Variants in SCAF11 observed in about 807,000 individuals in gnomAD.
SCAF11 encodes the protein protein SCAF11.
SCAF11 carries 47 observed loss-of-function variants against 140.5 expected under a neutral mutation model. The ratio of observed to expected loss-of-function variants is 0.33; its 90% CI spans 0.26 to 0.43. The LOEUF is 0.43. SCAF11 is among the 20% of genes least tolerant of loss of function. The pLI is 1.00. For synonymous variants in SCAF11, 557 were observed against 579.4 expected (o/e 0.96, Z 0.55); for missense variants, 1,645 against 1,705.1 (o/e 0.96, Z 0.62).
intron 1 of SCAF11, among the ~76,000 whole-genome samples, chr12:45,990,010 G>T (rs572139165): frequency 2.1e-4 from 32 of 152,008 alleles, no homozygotes; most frequent in Middle Eastern, 3.4e-3. Flanking sequence ...CCCGGACGGG[G>T]ACAGGCTTCG....
At chr12:45,955,848 A>G (rs751678697) in intron 3 of SCAF11, 1 of 317,186 alleles carries the variant, frequency 3.2e-6, no homozygotes, top group Non-Finnish European at 5.8e-6. Context: ...TAATAACATC[A>G]TTGGCTTTAT....
intron 3 of SCAF11, chr12:45,961,025 C>T: frequency 6.9e-6 from 2 of 291,058 alleles, no homozygotes; most frequent in East Asian, 1.1e-4. Context: ...GTATTTGGCC[C>T]AAATTGAGTC....
chr12:45,923,302 G>A (rs1944761513), intron 12 of SCAF11, 148 bp from the exon 13 acceptor site: 2 of 646,222 alleles, frequency 3.1e-6, no homozygotes, highest in Non-Finnish European at 2.6e-6. Context: ...TATATCTAAA[G>A]GGCCCTTTAA....
rs778330144 is a variant in SCAF11 at position 45,961,801 on chromosome 12, T to C, written c.118A>G (p.Arg40Gly). The change falls in exon 3 of 15, where the codon AGA becomes GGA. Residue 40 changes from arginine (R) to glycine (G), a missense_variant. By Grantham distance (125) the Arg-to-Gly change is moderately radical. This residue lies in a region of SCAF11 where 1,582 missense variants were observed against 1,609.2 expected (regional missense o/e 0.98). Transcript: ENST00000369367. ...AGACAATTAAGACATATTGGGCATC[T>C]GTCAGCCTCACTGTACAACAGACCA... ...STGLLYSEAD[R>G]CPICLNCLLE... 1.2e-6 allele frequency: 2 copies of C among 1,613,264 alleles called. No homozygotes were observed. The highest frequency in any genetic ancestry group is 8.5e-7 in the Non-Finnish European group (1 of 1,179,426).
At chr12:45,982,275 G>GT (rs1946365805) in intron 1 of SCAF11, among the ~76,000 whole-genome samples, 1 of 152,110 alleles carries the variant, frequency 6.6e-6, no homozygotes, top group African/African-American at 2.4e-5. Flanking sequence ...CTATGATGAA[G>GT]TTTTCAGGTG....
intron 1 of SCAF11, among the ~76,000 whole-genome samples, chr12:45,979,642 C>T (rs1056585055): frequency 1.3e-5 from 2 of 152,138 alleles, no homozygotes; most frequent in Non-Finnish European, 2.9e-5. Flanking sequence ...TTATCTTGCA[C>T]AGTGTAAACA....
chr12:45,977,946 T>A (rs1047114378), intron 1 of SCAF11, among the ~76,000 whole-genome samples: 4 of 152,148 alleles, frequency 2.6e-5, no homozygotes, highest in Non-Finnish European at 5.9e-5. Flanking sequence ...AAAACCCTAA[T>A]GATAGCATGG....
At chr12:45,934,117 G>T in intron 8 of SCAF11, 59 bp downstream of exon 8, 2 of 905,498 alleles carry the variant, frequency 2.2e-6, no homozygotes, top group Non-Finnish European at 3.2e-6. Flanking sequence ...TCTAGCAAAA[G>T]TTAATAATTA....
At chr12:45,961,963 A>G (rs1201507977) in intron 2 of SCAF11, 106 bp from the exon 3 acceptor site, 3 of 703,664 alleles carry the variant, frequency 4.3e-6, no homozygotes, top group Non-Finnish European at 6.5e-6. Flanking sequence ...CTCCTACTAT[A>G]AAGCAAATAG....
intron 5 of SCAF11, among the ~76,000 whole-genome samples, chr12:45,947,819 GCCATGTGTCA>G (rs1945460607): frequency 6.6e-6 from 1 of 152,126 alleles, no homozygotes; most frequent in Non-Finnish European, 1.5e-5. Context: ...TGGAACTGCA[GCCATGTGTCA>G]CCATGCCCGG....
chr12:45,920,326 T>G lies in SCAF11; in HGVS notation c.*1722A>C, dbSNP rs1337478641. 1 of 152,074 alleles carries G rather than the reference T, an allele frequency of 6.6e-6. No individual in the cohort carries two copies. Among genetic ancestry groups the G allele is most frequent in the Non-Finnish European group, 1.5e-5 (1 of 67,914 alleles). 9.4% of individuals were successfully genotyped at this position (152,074 alleles called of 1,614,324 possible). A position where few individuals can be genotyped will look rare whatever the true frequency, so the allele number is the denominator to read the frequency against. ...GCACATAAAATTGAGAAACAGATAA[T>G]CTTTACTTTAGAAAAGCACAGTTCT... On this transcript the variant is annotated 3_prime_UTR_variant, in exon 15 of 15. Transcript: ENST00000369367.
chr12:45,924,091 T>C (rs1335021673), intron 12 of SCAF11, among the ~76,000 whole-genome samples: 4 of 152,204 alleles, frequency 2.6e-5, no homozygotes, highest in African/African-American at 9.7e-5. Flanking sequence ...TTCACCCACC[T>C]GGGCCTCACA....
intron 5 of SCAF11, among the ~76,000 whole-genome samples, chr12:45,946,997 A>C (rs1945437260): frequency 6.6e-6 from 1 of 152,186 alleles, no homozygotes; most frequent in African/African-American, 2.4e-5. Context: ...ATAACTACCC[A>C]AAAGTTAACA....
At chr12:45,981,362 G>C (rs1183602009) in intron 1 of SCAF11, among the ~76,000 whole-genome samples, 5 of 152,138 alleles carry the variant, frequency 3.3e-5, no homozygotes, top group African/African-American at 9.7e-5. Context: ...ATGATGTAGA[G>C]AACAGTCTTA....
chr12:45,926,226 G>C lies in SCAF11; in HGVS notation c.3475C>G (p.Gln1159Glu). The stretch of plus-strand genomic sequence containing the variant: ...CTGCCTCGTCGTGAGTAGTAGTTTT[G>C]TACATCTGCTGGCAAAGTCTTTCTC... ...AVRKTLPADV[Q>E]NYYSRRGRNS... Residue 1159 changes from glutamine to glutamate, a missense_variant, in exon 11 of 15, where the codon CAA becomes GAA. Physicochemically the swap from Gln to Glu is conservative, Grantham distance 29 (BLOSUM62 2). Around this residue, in one of 2 missense-constraint regions of SCAF11, gnomAD observed 1,582 missense variants for 1,609.2 expected, o/e 0.98. Coordinates refer to ENST00000369367, the MANE Select transcript of SCAF11 (RefSeq NM_004719.3). 6.2e-7 allele frequency: 1 copy of C among 1,614,088 alleles called. No homozygotes were observed. Among genetic ancestry groups the C allele is most frequent in the Non-Finnish European group, 8.5e-7 (1 of 1,180,006 alleles).
At chr12:45,970,676 C>T (rs1946052226) in intron 1 of SCAF11, among the ~76,000 whole-genome samples, 2 of 152,250 alleles carry the variant, frequency 1.3e-5, no homozygotes, top group African/African-American at 2.4e-5. Context: ...CTTTCATATT[C>T]ACTTCCTCCA....
At chr12:45,945,863 A>AT (rs779296899) in intron 5 of SCAF11, among the ~76,000 whole-genome samples, 4 of 150,926 alleles carry the variant, frequency 2.7e-5, no homozygotes, top group African/African-American at 4.9e-5. Context: ...TCTTATTATT[A>AT]TTTTTTTTAC....
chr12:45,947,925 C>T (rs1267804168), intron 5 of SCAF11, among the ~76,000 whole-genome samples: 1 of 152,194 alleles, frequency 6.6e-6, no homozygotes, highest in Non-Finnish European at 1.5e-5. Context: ...GATCCTCCCA[C>T]CTCAGTCTCC....
chr12:45,962,481 AC>A (rs1280867304), intron 2 of SCAF11, among the ~76,000 whole-genome samples: 1 of 152,220 alleles, frequency 6.6e-6, no homozygotes, highest in Non-Finnish European at 1.5e-5. Context: ...ATAGGTATTA[AC>A]AAATTATTCT....
Sources: allele counts gnomAD v4.1 joint callset (sites outside exome capture counted in the v4.1 genomes callset), GRCh38; gene constraint gnomAD v4.1.1; regional missense constraint gnomAD v4.1.1; transcripts MANE v1.5; gene names NCBI Gene and HGNC (gene_info 2026-07-23, HGNC 2026-07-21).